MAG: variants seen among roughly 807,000 people sequenced by gnomAD.
MAG encodes the protein myelin-associated glycoprotein.
Under a neutral mutation model 60.7 loss-of-function variants are expected in MAG, and 30 were observed. That is an observed-to-expected ratio of 0.49 (90% CI 0.37 to 0.67). The LOEUF is 0.67. Among genes scored for constraint, MAG ranks in the 30% least tolerant of loss-of-function variants. The pLI, the probability that MAG is intolerant of heterozygous loss-of-function variation, is 0.00. For synonymous variants in MAG, 384 were observed against 376.8 expected, an observed-to-expected ratio of 1.02 and a Z score of -0.22; for missense variants, 795 against 851.7, an observed-to-expected ratio of 0.93 and a Z score of 0.83.
chr19:35,310,206 C>A (rs370323060), intron 8 of MAG, 45 bp downstream of exon 8: 19 of 1,567,780 alleles, frequency 1.2e-5, no homozygotes, highest in Non-Finnish European at 1.6e-5. Context: ...AGGGAGCGGG[C>A]ACGTCTTAGA....
intron 9 of MAG, among the ~76,000 whole-genome samples, chr19:35,310,886 C>T (rs910066595): frequency 5.3e-5 from 8 of 152,154 alleles, no homozygotes; most frequent in Non-Finnish European, 1.0e-4. Context: ...ACCTGTTTGC[C>T]CACATTCTAT....
intron 4 of MAG, among the ~76,000 whole-genome samples, chr19:35,298,519 A>G (rs569239626): frequency 4.6e-4 from 69 of 149,574 alleles, no homozygotes; most frequent in Non-Finnish European, 7.1e-4. Context: ...CTACCTCTAC[A>G]CCAAACACAC....
At chr19:35,311,686 T>C (rs1458684653) in intron 9 of MAG, among the ~76,000 whole-genome samples, 1 of 152,138 alleles carries the variant, frequency 6.6e-6, no homozygotes, top group Non-Finnish European at 1.5e-5. Context: ...GTGGGGGTCC[T>C]GAAAAACGGC....
intron 7 of MAG, among the ~76,000 whole-genome samples, chr19:35,303,893 C>A (rs2145617142): frequency 6.6e-6 from 1 of 152,192 alleles, no homozygotes; most frequent in South Asian, 2.1e-4. Context: ...ATATCGCCTT[C>A]CTGTTTCCAT....
chr19:35,300,409 G>A lies in MAG; in HGVS notation c.970+5G>A. The A allele has an allele frequency of 3.2e-6, 5 of 1,562,032 alleles. No homozygotes were observed. The highest frequency in any genetic ancestry group is 4.3e-6 in the Non-Finnish European group (5 of 1,154,080). On this transcript the variant is annotated splice_donor_5th_base_variant and intron_variant, in intron 6 of 10. Coordinates refer to ENST00000392213, the MANE Select transcript of MAG (RefSeq NM_002361.4). ...CCGTGGGGCTCAGTGTCATGTGTGA[G>A]TGGCCCACTCTGTGCGTCCACACGC...
chr19:35,296,134 C>T (rs1008466418), intron 4 of MAG, among the ~76,000 whole-genome samples, 153 bp downstream of exon 4: 2 of 152,296 alleles, frequency 1.3e-5, no homozygotes, highest in Middle Eastern at 3.4e-3. Flanking sequence ...TCAAGGCCCA[C>T]GCAGACCATG....
intron 7 of MAG, among the ~76,000 whole-genome samples, chr19:35,308,425 G>A (rs531311061): frequency 6.6e-6 from 1 of 152,208 alleles, no homozygotes; most frequent in South Asian, 2.1e-4. Flanking sequence ...GAGGGGCCTT[G>A]TAGATGAAAG....
intron 6 of MAG, 148 bp downstream of exon 6, chr19:35,300,552 AAGGTGTACCTTCATTCT>A: frequency 3.0e-5 from 29 of 981,914 alleles, no homozygotes; most frequent in Non-Finnish European, 4.1e-5. Flanking sequence ...GTTGCAAGTC[AAGGTGTACCTTCATTCT>A]TTCCACAAGA....
Position 35,300,289 on chromosome 19 carries a change from C to G in MAG, c.855C>G (p.Ala285=), listed in dbSNP as rs199720385. Residue 285 remains alanine, a synonymous_variant, in exon 6 of 11, where the codon GCC becomes GCG. Transcript: ENST00000392213. ...RDGTVLREAV[A]ESLLLELEEV... ...GGACAGTCCTCCGGGAGGCGGTGGC[C>G]GAGAGCCTGCTCCTGGAGCTGGAGG... 6.3e-7 allele frequency: 1 copy of G among 1,599,216 alleles called. No homozygotes were observed. The highest frequency in any genetic ancestry group is 1.7e-5 in the Admixed American group (1 of 59,834).
chr19:35,311,149 T>C (rs1178937331), intron 9 of MAG, among the ~76,000 whole-genome samples: 1 of 152,112 alleles, frequency 6.6e-6, no homozygotes, highest in African/African-American at 2.4e-5. Context: ...CTGGGCAACA[T>C]AGCAAGACCA....
chr19:35,301,497 T>TCTTGG (rs1488512602), intron 6 of MAG, among the ~76,000 whole-genome samples: 1 of 137,028 alleles, frequency 7.3e-6, no homozygotes, highest in African/African-American at 2.8e-5. Context: ...AATGGAGCAA[T>TCTTGG]CTTGGCTCAC....
At chr19:35,310,482 A>T in intron 8 of MAG, 65 bp from the exon 9 acceptor site, 2 of 1,391,362 alleles carry the variant, frequency 1.4e-6, no homozygotes, top group Non-Finnish European at 2.0e-6. Flanking sequence ...CATGTCTCCA[A>T]AGTTCTCAGG....
rs1168584665 is a variant in MAG at position 35,309,809 on chromosome 19, G to T, written c.1232-65G>T. On this transcript the variant is annotated intron_variant, in intron 7 of 10. Coordinates refer to ENST00000392213, the MANE Select transcript of MAG (RefSeq NM_002361.4). ...CACACTGGCCTTGCCTTGAGCCAAGGAGTCTCCGGGGCCGGGCCTCGCGTT... is the reference window on the plus strand; with the variant it reads ...CACACTGGCCTTGCCTTGAGCCAAGTAGTCTCCGGGGCCGGGCCTCGCGTT... 3.2e-6 allele frequency: 5 copies of T among 1,550,480 alleles called. No homozygotes were observed. In the South Asian group the frequency reaches 3.5e-5, roughly 11 times the overall value.
At chr19:35,311,023 C>T (rs903668616) in intron 9 of MAG, among the ~76,000 whole-genome samples, 3 of 95,458 alleles carry the variant, frequency 3.1e-5, no homozygotes, top group African/African-American at 1.3e-4. Flanking sequence ...AGATTACACA[C>T]ATCTGGGGCA....
At chr19:35,296,621 C>T (rs1318763228) in intron 4 of MAG, among the ~76,000 whole-genome samples, 2 of 152,074 alleles carry the variant, frequency 1.3e-5, no homozygotes, top group South Asian at 2.1e-4. Flanking sequence ...ATAGGGCACA[C>T]TGCCTGATTT....
chr19:35,300,098 C>T, intron 5 of MAG, 49 bp from the exon 6 acceptor site: 2 of 1,487,602 alleles, frequency 1.3e-6, no homozygotes, highest in African/African-American at 1.4e-5. Context: ...GGGCACTGGG[C>T]CGGTTCCCCA....
At chr19:35,302,346 C>T in intron 6 of MAG, 102 bp from the exon 7 acceptor site, 1 of 1,414,650 alleles carries the variant, frequency 7.1e-7, no homozygotes, top group Non-Finnish European at 9.7e-7. Context: ...AACCGGTGTG[C>T]TAGGTTTGGG....
At chr19:35,307,304 G>A (rs750454199) in intron 7 of MAG, among the ~76,000 whole-genome samples, 49 of 152,170 alleles carry the variant, frequency 3.2e-4, no homozygotes, top group Non-Finnish European at 4.9e-4. Flanking sequence ...GTGACTCCCA[G>A]GTCCACCACC....
chr19:35,296,559 A>T (rs1037302872), intron 4 of MAG, among the ~76,000 whole-genome samples: 3 of 152,098 alleles, frequency 2.0e-5, no homozygotes, highest in Non-Finnish European at 4.4e-5. Flanking sequence ...TTCTTTTTTT[A>T]AAATCCTTTA....
Sources: allele counts gnomAD v4.1 joint callset (sites outside exome capture counted in the v4.1 genomes callset), GRCh38; gene constraint gnomAD v4.1.1; transcripts MANE v1.5; gene names NCBI Gene and HGNC (gene_info 2026-07-23, HGNC 2026-07-21).